Variants in FMNL2 observed in about 807,000 individuals in gnomAD.
FMNL2 encodes formin-like protein 2.
In FMNL2, 51 loss-of-function variants were observed where a neutral mutation model predicts 130.2. The ratio of observed to expected loss-of-function variants is 0.39; its 90% CI spans 0.31 to 0.49. The LOEUF is 0.49. Ranked by LOEUF, FMNL2 falls within the 20% of genes least tolerant of loss-of-function variation. The pLI, the probability that FMNL2 is intolerant of heterozygous loss-of-function variation, is 0.85. For synonymous variants in FMNL2, 465 were observed against 467.1 expected (o/e 1.00, Z 0.06); for missense variants, 977 against 1,316.2 (o/e 0.74, Z 3.99).
At position 152,479,531 on chromosome 2, in the gene FMNL2, G is replaced by A. The variant is rs113972400; in HGVS notation, c.118-42412G>A. 7.8e-3 allele frequency among the ~76,000 whole-genome samples: 1,188 copies of A among 152,172 alleles called. 9 individuals carry two copies. The highest frequency in any genetic ancestry group is 0.024 in the African/African-American group (986 of 41,502). Reference sequence around the variant, plus strand: ...CTTTTTGGCTCCTTCTATAGTTTGAGTATGTCATCTTTATTTCTAAGTCTG... The same window carrying A: ...CTTTTTGGCTCCTTCTATAGTTTGAATATGTCATCTTTATTTCTAAGTCTG... On this transcript the variant is annotated intron_variant, in intron 1 of 25. Coordinates refer to ENST00000288670, the MANE Select transcript of FMNL2 (RefSeq NM_052905.4).
Position 152,625,533 on chromosome 2 carries a change from A to C in FMNL2, c.1933A>C (p.Asn645His). The C allele has an allele frequency of 6.2e-7, 1 of 1,607,092 alleles. No homozygotes were observed. The highest frequency in any genetic ancestry group is 8.5e-7 in the Non-Finnish European group (1 of 1,174,172). The change falls in exon 16 of 26, where the codon AAT becomes CAT. Residue 645 changes from asparagine (N) to histidine (H), a missense_variant. Asn to His is a moderately conservative substitution (Grantham distance 68). Coordinates refer to ENST00000288670, the MANE Select transcript of FMNL2 (RefSeq NM_052905.4). The stretch of plus-strand genomic sequence containing the variant: ...CAATCAGATCAATGGCACAGTCTTC[A>C]ATGAAATTGATGATGAGCGAATTCT... ...KPNQINGTVFNEIDDERILED... is the reference protein window; with the variant it reads ...KPNQINGTVFHEIDDERILED...
chr2:152,491,812 G>A (rs998149450), intron 1 of FMNL2, among the ~76,000 whole-genome samples: 6 of 152,034 alleles, frequency 3.9e-5, no homozygotes, highest in African/African-American at 9.7e-5. Flanking sequence ...TTAGCCTGGC[G>A]TGGTGGCGTG....
intron 25 of FMNL2, chr2:152,645,424 T>G (rs1385982821): frequency 3.8e-5 from 49 of 1,281,376 alleles, no homozygotes; most frequent in Non-Finnish European, 4.9e-5. Context: ...TTTTGTTTTT[T>G]TCTGTTTAGC....
chr2:152,607,006 G>GTTTTTTTTTTTT (rs58237890), intron 9 of FMNL2, among the ~76,000 whole-genome samples: 1 of 84,848 alleles, frequency 1.2e-5, no homozygotes, highest in African/African-American at 4.2e-5. Context: ...TTTTTTTTTT[G>GTTTTTTTTTTTT]TTTTTTTTTT....
At chr2:152,360,614 C>T (rs1006484805) in intron 1 of FMNL2, among the ~76,000 whole-genome samples, 2 of 152,106 alleles carry the variant, frequency 1.3e-5, no homozygotes, top group South Asian at 2.1e-4. Flanking sequence ...TAATTGACAG[C>T]GACTGGTGCT....
At chr2:152,467,629 A>G (rs1347524059) in intron 1 of FMNL2, among the ~76,000 whole-genome samples, 1 of 152,092 alleles carries the variant, frequency 6.6e-6, no homozygotes, top group Non-Finnish European at 1.5e-5. Context: ...TGCTTGTATT[A>G]TTTTGTTTGT....
At chr2:152,415,170 A>C (rs1686538210) in intron 1 of FMNL2, among the ~76,000 whole-genome samples, 2 of 70,338 alleles carry the variant, frequency 2.8e-5, no homozygotes, top group Admixed American at 4.0e-4. Flanking sequence ...TGATACATTA[A>C]AAAAAAAAAA....
intron 1 of FMNL2, among the ~76,000 whole-genome samples, chr2:152,505,362 G>GA (rs1278176377): frequency 6.6e-6 from 1 of 151,868 alleles, no homozygotes; most frequent in African/African-American, 2.4e-5. Flanking sequence ...GAGTTACAAG[G>GA]AAAAAAATGG....
At chr2:152,354,455 G>T (rs1426383081) in intron 1 of FMNL2, among the ~76,000 whole-genome samples, 1 of 152,144 alleles carries the variant, frequency 6.6e-6, no homozygotes, top group Non-Finnish European at 1.5e-5. Flanking sequence ...GATCTAGGAG[G>T]CACAGAAAGA....
chr2:152,505,615 G>T (rs1221040469), intron 1 of FMNL2, among the ~76,000 whole-genome samples: 1 of 152,184 alleles, frequency 6.6e-6, no homozygotes, highest in Non-Finnish European at 1.5e-5. Context: ...TTCGTCAGTA[G>T]CTTTGGCAGC....
chr2:152,473,906 G>A (rs551837009), intron 1 of FMNL2, among the ~76,000 whole-genome samples: 5 of 152,030 alleles, frequency 3.3e-5, no homozygotes, highest in East Asian at 1.9e-4. Context: ...TTAGAGTCTC[G>A]CTCTGTCGCC....
At chr2:152,640,712 A>G in intron 24 of FMNL2, 79 bp from the exon 25 acceptor site, 3 of 1,532,872 alleles carry the variant, frequency 2.0e-6, no homozygotes, top group Non-Finnish European at 2.6e-6. Flanking sequence ...TAGTAACATA[A>G]TGCTCAGGCA....
chr2:152,537,410 AG>A (rs1396259143), intron 2 of FMNL2, among the ~76,000 whole-genome samples: 2 of 151,754 alleles, frequency 1.3e-5, no homozygotes, highest in Admixed American at 1.3e-4. Context: ...CATACGCCTT[AG>A]GGGATTGGGT....
At chr2:152,592,194 G>A (rs541261079) in intron 9 of FMNL2, among the ~76,000 whole-genome samples, 1 of 152,320 alleles carries the variant, frequency 6.6e-6, no homozygotes, top group Non-Finnish European at 1.5e-5. Flanking sequence ...GTATTTAGTT[G>A]AGGACCAAAT....
At chr2:152,613,222 C>G (rs887293234) in intron 11 of FMNL2, among the ~76,000 whole-genome samples, 2 of 152,208 alleles carry the variant, frequency 1.3e-5, no homozygotes, top group African/African-American at 4.8e-5. Flanking sequence ...ACTTTGAGAT[C>G]AAGGTTTGTC....
intron 1 of FMNL2, among the ~76,000 whole-genome samples, chr2:152,397,651 C>T (rs1314477091): frequency 6.6e-6 from 1 of 152,126 alleles, no homozygotes; most frequent in Non-Finnish European, 1.5e-5. Context: ...TCCCTCTCTT[C>T]CTCCTTTTTT....
chr2:152,619,687 A>T lies in FMNL2; in HGVS notation c.1806A>T (p.Ser602=). The T allele has an allele frequency of 1.9e-6, 3 of 1,610,860 alleles. No individual in the cohort carries two copies. Among genetic ancestry groups the T allele is most frequent in the Non-Finnish European group, 2.5e-6 (3 of 1,179,296 alleles). ...PSAPPLPGTS[S]PTVVFNSGLA... is the part of the protein sequence containing the mutation. ...CACCTCCGCTGCCTGGAACATCTTCACCCACAGTGGTTTTCAACTCAGGAT... is the reference window on the plus strand; with the variant it reads ...CACCTCCGCTGCCTGGAACATCTTCTCCCACAGTGGTTTTCAACTCAGGAT... Residue 602 remains serine, a synonymous_variant, in exon 15 of 26, where the codon TCA becomes TCT. Transcript: ENST00000288670.
At position 152,489,280 on chromosome 2, in the gene FMNL2, A is replaced by G. The variant is rs919158477; in HGVS notation, c.118-32663A>G. Among the ~76,000 whole-genome samples the G allele has an allele frequency of 5.9e-5, 9 of 152,352 alleles. No homozygotes were observed. In the East Asian group the frequency reaches 1.5e-3, roughly 26 times the overall value. ...TGGAATGGGAAAGGCAACACCTATA[A>G]CAGGAAGGAAATACTCCATCTGGGG... On this transcript the variant is annotated intron_variant, in intron 1 of 25. Coordinates refer to ENST00000288670, the MANE Select transcript of FMNL2 (RefSeq NM_052905.4).
intron 5 of FMNL2, among the ~76,000 whole-genome samples, chr2:152,560,287 T>C (rs1329235704): frequency 6.6e-6 from 1 of 150,782 alleles, no homozygotes; most frequent in East Asian, 1.9e-4. Context: ...AGTTAACTTG[T>C]CATTTATTCT....
Sources: allele counts gnomAD v4.1 joint callset (sites outside exome capture counted in the v4.1 genomes callset), GRCh38; gene constraint gnomAD v4.1.1; transcripts MANE v1.5; gene names NCBI Gene and HGNC (gene_info 2026-07-23, HGNC 2026-07-21).